Variants in ANKRD30A observed in about 807,000 individuals in gnomAD.
ANKRD30A encodes ankyrin repeat domain-containing protein 30A.
In ANKRD30A, 170 loss-of-function variants were observed where a neutral mutation model predicts 166.3. The ratio of observed to expected loss-of-function variants is 1.02; its 90% CI spans 0.90 to 1.16. The LOEUF (loss-of-function observed/expected upper bound fraction) is 1.16. Among genes scored for constraint, ANKRD30A ranks in the 50% most tolerant of loss-of-function variants. ANKRD30A has a pLI of 0.00. For missense variants in ANKRD30A, 1,630 were observed against 1,518.0 expected, an observed-to-expected ratio of 1.07 and a Z score of -1.23; for synonymous variants, 564 against 508.9, an observed-to-expected ratio of 1.11 and a Z score of -1.46.
intron 31 of ANKRD30A, among the ~76,000 whole-genome samples, chr10:37,214,809 C>A (rs958226947): frequency 4.0e-5 from 6 of 151,196 alleles, no homozygotes; most frequent in Non-Finnish European, 8.9e-5. Flanking sequence ...AGCCAGATCC[C>A]AGCCTGGATC....
intron 11 of ANKRD30A, among the ~76,000 whole-genome samples, chr10:37,151,463 G>C (rs17589968): frequency 1.3e-5 from 2 of 152,026 alleles, no homozygotes; most frequent in Admixed American, 1.3e-4. Flanking sequence ...TGAAGCAGTT[G>C]TTAATTTATA....
At position 37,142,152 on chromosome 10, in the gene ANKRD30A, T is replaced by C. The variant is rs533890211; in HGVS notation, c.1255T>C (p.Trp419Arg). The C allele has an allele frequency of 4.3e-6, 7 of 1,613,918 alleles. No individual in the cohort carries two copies. The highest frequency in any genetic ancestry group is 1.7e-4 in the Middle Eastern group (1 of 6,060). The change falls in exon 7 of 36, where the codon TGG becomes CGG. Residue 419 changes from tryptophan to arginine, a missense_variant. By Grantham distance (101) the Trp-to-Arg change is moderately radical (BLOSUM62 -3). Coordinates refer to ENST00000361713, the MANE Select transcript of ANKRD30A (RefSeq NM_052997.3). ...AAKGRPRKIA[W>R]EKKETPVKTG... ...AAAAGGAAGACCTAGGAAGATCGCATGGGAGAAAAAAGAAACACCTGTAAA... is the reference window on the plus strand; with the variant it reads ...AAAAGGAAGACCTAGGAAGATCGCACGGGAGAAAAAAGAAACACCTGTAAA...
chr10:37,156,276 C>A (rs1247220088), intron 13 of ANKRD30A, among the ~76,000 whole-genome samples: 10 of 151,964 alleles, frequency 6.6e-5, no homozygotes, highest in Admixed American at 2.0e-4. Flanking sequence ...CCATACATTT[C>A]AATAGCCATT....
chr10:37,232,654 T>TATATATGTATATATATATA (rs71007625), downstream of ANKRD30A: 1 of 54,214 alleles, frequency 1.8e-5, no homozygotes, highest in Admixed American at 2.0e-4. Flanking sequence ...AGCATTGGTT[T>TATATATGTATATATATATA]TATATATATA....
chr10:37,149,930 A>AT (rs1837794870), intron 11 of ANKRD30A, 81 bp downstream of exon 11: 10 of 1,560,588 alleles, frequency 6.4e-6, no homozygotes, highest in Non-Finnish European at 8.7e-6. Context: ...CCAATGCTTT[A>AT]TTTTTTTCAA....
rs1317880242 is a variant in ANKRD30A, at chr10:37,206,939, T to G, written c.2869+5614T>G. 5.9e-5 allele frequency among the ~76,000 whole-genome samples: 9 copies of G among 152,298 alleles called. No individual in the cohort carries two copies. The East Asian group carries it at 1.7e-3, about 29-fold the overall frequency. The stretch of plus-strand genomic sequence containing the variant: ...CATAAATATTATACTGATTTCAAAA[T>G]AAAAATGGTTATACTTAATTAATAT... On this transcript the variant is annotated intron_variant, in intron 31 of 35. Transcript: ENST00000361713.
rs1843418440 is a variant in ANKRD30A at position 37,231,695 on chromosome 10, C to T, written c.*211+15C>T. ...ACTTGTTCACGGTTAGTTATATTAT[C>T]TGTCTTCCTTTGTTTTTCAGATTTC... On this transcript the variant is annotated intron_variant, in intron 35 of 35. Coordinates refer to ENST00000361713, the MANE Select transcript of ANKRD30A (RefSeq NM_052997.3). 1 of 350,474 alleles carries T rather than the reference C, an allele frequency of 2.9e-6. No homozygotes were observed. Among genetic ancestry groups the T allele is most frequent in the East Asian group, 4.3e-5 (1 of 23,236 alleles). 21.7% of individuals were successfully genotyped at this position (350,474 alleles called of 1,614,324 possible).
chr10:37,262,689 A>T, the ANKRD30A span: 2 of 153,238 alleles, frequency 1.3e-5, no homozygotes, highest in Non-Finnish European at 2.9e-5. Context: ...TTATTGGAGC[A>T]AATTTGCAAT....
intron 15 of ANKRD30A, among the ~76,000 whole-genome samples, chr10:37,162,221 A>G (rs753734714): frequency 2.6e-5 from 4 of 152,170 alleles, no homozygotes; most frequent in Non-Finnish European, 4.4e-5. Context: ...TTTCAGAGAC[A>G]AGATGTCAGT....
At chr10:37,162,384 C>T (rs1838979152) in intron 15 of ANKRD30A, among the ~76,000 whole-genome samples, 1 of 152,138 alleles carries the variant, frequency 6.6e-6, no homozygotes. Flanking sequence ...CATTTATTTT[C>T]TCATATCAAC....
Position 37,130,320 on chromosome 10 carries a change from T to C in ANKRD30A, c.452T>C (p.Ile151Thr). 1 of 1,590,088 alleles carries C rather than the reference T, an allele frequency of 6.3e-7. No individual in the cohort carries two copies. The highest frequency in any genetic ancestry group is 8.6e-7 in the Non-Finnish European group (1 of 1,168,876). Reference sequence around the variant, plus strand: ...CTCCATTATGCTGTTTATAGTGAGATTTTGTCAGTGGTGGCAAAACTGCTG... The same window carrying C: ...CTCCATTATGCTGTTTATAGTGAGACTTTGTCAGTGGTGGCAAAACTGCTG... ...TALHYAVYSE[I>T]LSVVAKLLSH... Residue 151 changes from isoleucine to threonine, a missense_variant, in exon 3 of 36, where the codon ATT becomes ACT. Ile to Thr is a moderately conservative substitution (Grantham distance 89). Coordinates refer to ENST00000361713, the MANE Select transcript of ANKRD30A (RefSeq NM_052997.3).
At chr10:37,154,051 T>G (rs17590427) in intron 13 of ANKRD30A, among the ~76,000 whole-genome samples, 5 of 152,128 alleles carry the variant, frequency 3.3e-5, no homozygotes, top group African/African-American at 1.2e-4. Context: ...GATTGGGTAT[T>G]GTTAGAAATT....
Position 37,219,849 on chromosome 10 carries a change from T to C in ANKRD30A, c.4137T>C (p.His1379=). The change falls in exon 34 of 36, where the codon CAT becomes CAC. Residue 1379 remains histidine, a synonymous_variant. Transcript: ENST00000361713. ...KNEEIFNYNN[H]LKNRIYQYEK... The stretch of plus-strand genomic sequence containing the variant: ...AGGAGATATTTAATTACAATAACCA[T>C]TTAAAAAACCGTATATATCAATATG... The C allele has an allele frequency of 6.3e-7, 1 of 1,579,710 alleles. No individual in the cohort carries two copies. Among genetic ancestry groups the C allele is most frequent in the South Asian group, 1.2e-5 (1 of 86,276 alleles).
Position 37,201,291 on chromosome 10 carries a change from A to G in ANKRD30A, c.2835A>G (p.Gln945=), listed in dbSNP as rs1430419133. ...TGTGTGTACCCAAGGCTACACATCA[A>G]AAAGAAATGGATAAAATAAGTGGAA... ...KDVCVPKATH[Q]KEMDKISGKL... is the part of the protein sequence containing the mutation. The change falls in exon 31 of 36, where the codon CAA becomes CAG. Residue 945 remains glutamine (Q), a synonymous_variant. Transcript: ENST00000361713. 6.3e-7 allele frequency: 1 copy of G among 1,595,500 alleles called. No individual in the cohort carries two copies. The highest frequency in any genetic ancestry group is 2.3e-5 in the East Asian group (1 of 44,012).
At chr10:37,243,134 ATT>A in the ANKRD30A span, among the ~76,000 whole-genome samples, 8 of 136,756 alleles carry the variant, frequency 5.8e-5, no homozygotes, top group Non-Finnish European at 7.9e-5. Context: ...TAATTTCCAA[ATT>A]TTTTTTTTTT....
At chr10:37,217,905 A>G (rs1842687450) in intron 33 of ANKRD30A, 27 bp downstream of exon 33, 5 of 1,448,754 alleles carry the variant, frequency 3.5e-6, no homozygotes, top group African/African-American at 1.5e-5. Flanking sequence ...TAAAAATTTT[A>G]TATTTCTAAC....
chr10:37,249,815 T>C, the ANKRD30A span, among the ~76,000 whole-genome samples: 1 of 152,208 alleles, frequency 6.6e-6, no homozygotes, highest in South Asian at 2.1e-4. Flanking sequence ...TGGGACTTAA[T>C]TGCTTAGGCA....
chr10:37,195,857 T>G (rs950195829), intron 27 of ANKRD30A, among the ~76,000 whole-genome samples: 3 of 150,974 alleles, frequency 2.0e-5, no homozygotes, highest in Non-Finnish European at 4.5e-5. Context: ...TGGGAAAAAT[T>G]GGAAGAAGAG....
the ANKRD30A span, among the ~76,000 whole-genome samples, chr10:37,252,267 G>A: frequency 6.6e-6 from 1 of 152,112 alleles, no homozygotes; most frequent in Non-Finnish European, 1.5e-5. Context: ...CATGGAAACC[G>A]ATTCCTCATC....
Sources: gnomAD v4.1 joint callset for allele counts (sites outside exome capture counted in the v4.1 genomes callset) on GRCh38, gnomAD v4.1.1 for gene constraint, MANE v1.5 for transcripts, NCBI Gene and HGNC (gene_info 2026-07-23, HGNC 2026-07-21) for gene names.